TTYH3: variants seen among roughly 807,000 people sequenced by gnomAD.
TTYH3 encodes the protein protein tweety homolog 3.
A neutral mutation model predicts 68.2 loss-of-function variants in TTYH3; 23 were observed. The ratio of observed to expected loss-of-function variants is 0.34; its 90% CI spans 0.24 to 0.48. The LOEUF is 0.48. TTYH3 is among the 20% of genes least tolerant of loss of function. The pLI is 0.99. For missense variants in TTYH3, 768 were observed against 727.7 expected (o/e 1.06, Z -0.64); for synonymous variants, 360 against 332.8 (o/e 1.08, Z -0.89).
rs989085345 is a variant in TTYH3, at chr7:2,645,830, A to G, written c.124-1023A>G. On this transcript the variant is annotated intron_variant, in intron 1 of 13. Transcript: ENST00000258796. This position sits in a 1 kb window ranked among gnomAD's most constrained non-coding sequence, Gnocchi z 4.8. ...TCCCCCACAGGCTCCCAATTTCCCTACCAGACCTGAAAACCTCAGGACTAC... is the reference window on the plus strand; with the variant it reads ...TCCCCCACAGGCTCCCAATTTCCCTGCCAGACCTGAAAACCTCAGGACTAC... 12 of 470,192 alleles carry G rather than the reference A, an allele frequency of 2.6e-5. No homozygotes were observed. The highest frequency in any genetic ancestry group is 7.1e-5 in the Admixed American group (3 of 42,490). The allele number at this position is 470,192 out of a possible 1,614,324, so 29.1% of individuals were successfully genotyped here.
intron 1 of TTYH3, among the ~76,000 whole-genome samples, chr7:2,643,730 A>T (rs1455777368): frequency 2.0e-5 from 3 of 152,142 alleles, no homozygotes; most frequent in African/African-American, 7.2e-5. Context: ...TGAGGAAGTG[A>T]TCTGGACCTG....
intron 1 of TTYH3, among the ~76,000 whole-genome samples, chr7:2,640,386 A>G (rs1282954289): frequency 1.3e-5 from 2 of 148,316 alleles, no homozygotes; most frequent in Admixed American, 1.4e-4. Context: ...CATGTAGAGC[A>G]GCCGCCTGTG....
chr7:2,652,232 C>A lies in TTYH3; in HGVS notation c.917C>A (p.Pro306His). 1 of 1,612,658 alleles carries A rather than the reference C, an allele frequency of 6.2e-7. No homozygotes were observed. The highest frequency in any genetic ancestry group is 8.5e-7 in the Non-Finnish European group (1 of 1,180,014). The change falls in exon 8 of 14, where the codon CCC (proline) becomes CAC (histidine). Residue 306 changes from proline (P) to histidine (H), a missense_variant. Coordinates refer to ENST00000258796, the MANE Select transcript of TTYH3 (RefSeq NM_025250.3). Reference protein sequence around the residue: ...YLACSPRAANPFQQKLSGSHK... With the variant: ...YLACSPRAANHFQQKLSGSHK... ...GCCTGCTCGCCCCGCGCCGCCAACC[C>A]CTTCCAGCAGGTGAGAGCCTGGGAG...
chr7:2,655,145 T>C (rs1786297553), intron 9 of TTYH3, among the ~76,000 whole-genome samples: 1 of 151,828 alleles, frequency 6.6e-6, no homozygotes, highest in Non-Finnish European at 1.5e-5. Flanking sequence ...ATCCATTTCT[T>C]TTTTTTTGGT....
chr7:2,649,861 C>A, intron 6 of TTYH3, 52 bp from the exon 7 acceptor site: 1 of 1,602,358 alleles, frequency 6.2e-7, no homozygotes, highest in Non-Finnish European at 8.5e-7. Flanking sequence ...CCGAGAGCTT[C>A]CCTTTAGGCC....
intron 1 of TTYH3, among the ~76,000 whole-genome samples, chr7:2,636,070 G>A (rs542680281): frequency 6.6e-6 from 1 of 152,332 alleles, no homozygotes; most frequent in Admixed American, 6.5e-5. Flanking sequence ...CACTCAGAGG[G>A]GATCTGAGCT....
At chr7:2,638,492 A>G (rs544386758) in intron 1 of TTYH3, among the ~76,000 whole-genome samples, 35 of 152,204 alleles carry the variant, frequency 2.3e-4, no homozygotes, top group African/African-American at 8.2e-4. Context: ...GCCTCCTTCC[A>G]GGCCATTCCT....
In TTYH3 at chr7:2,646,947, G is replaced by T; in HGVS notation, c.218G>T (p.Arg73Leu). 1 of 1,599,550 alleles carries T rather than the reference G, an allele frequency of 6.3e-7. No homozygotes were observed. The highest frequency in any genetic ancestry group is 8.5e-7 in the Non-Finnish European group (1 of 1,178,086). ...TCCTTCTGGCTGTGCTGCCGGCGGC[G>T]CAAGAGCGAGGAGCACCTGGACGCC... ...FYSFWLCCRR[R>L]KSEEHLDADC... is the part of the protein sequence containing the mutation. Residue 73 changes from arginine to leucine, a missense_variant, in exon 2 of 14, where the codon CGC (arginine) becomes CTC (leucine). Arg to Leu is a moderately radical substitution (Grantham distance 102, BLOSUM62 -2). Coordinates refer to ENST00000258796, the MANE Select transcript of TTYH3 (RefSeq NM_025250.3).
rs761971282 is a variant in TTYH3 at position 2,656,210 on chromosome 7, C to A, written c.1113+26C>A. 4.5e-6 allele frequency: 7 copies of A among 1,555,896 alleles called. No individual in the cohort carries two copies. In the African/African-American group the frequency reaches 5.4e-5, roughly 12 times the overall value. ...GTGAGAGGCAGGGCCTGGGACAGGGCCATGGCAGCTTGTAGGGTGGGAACA... is the reference window on the plus strand; with the variant it reads ...GTGAGAGGCAGGGCCTGGGACAGGGACATGGCAGCTTGTAGGGTGGGAACA... On this transcript the variant is annotated intron_variant, in intron 10 of 13. Coordinates refer to ENST00000258796, the MANE Select transcript of TTYH3 (RefSeq NM_025250.3).
At chr7:2,652,094 C>T (rs1206771920) in intron 7 of TTYH3, 93 bp from the exon 8 acceptor site, 3 of 1,060,070 alleles carry the variant, frequency 2.8e-6, no homozygotes, top group Non-Finnish European at 2.9e-6. Context: ...CACGCAGATG[C>T]CCTGAAGATA....
Position 2,661,648 on chromosome 7 carries a change from TC to T in TTYH3, c.1501-15del, listed in dbSNP as rs368159200. ...GCCATGCAGGGGCCCTGCTGATGCC[TC>T]CCCCTTGTCTCCCTCCAGTACACCT... On this transcript the variant is annotated intron_variant, in intron 13 of 13. Coordinates refer to ENST00000258796, the MANE Select transcript of TTYH3 (RefSeq NM_025250.3). The T allele has an allele frequency of 2.9e-4, 470 of 1,609,554 alleles. 7 individuals carry two copies. The African/African-American group carries it at 4.9e-3, about 17-fold the overall frequency.
At chr7:2,639,716 G>T (rs1785782042) in intron 1 of TTYH3, among the ~76,000 whole-genome samples, 1 of 152,212 alleles carries the variant, frequency 6.6e-6, no homozygotes, top group Admixed American at 6.5e-5. Context: ...ACCATATTGT[G>T]TGTCTGTCAC....
rs1338161089 is a variant in TTYH3, at chr7:2,662,968, C to G, written c.*1229C>G. ...ACTGTCCTCGGGAATGAACCTCCCG[C>G]GGGCTTTGGACTGAGGTCCCTGTGG... On this transcript the variant is annotated 3_prime_UTR_variant, in exon 14 of 14. Coordinates refer to ENST00000258796, the MANE Select transcript of TTYH3 (RefSeq NM_025250.3). The G allele has an allele frequency of 6.6e-6, 1 of 152,288 alleles. No homozygotes were observed. Among genetic ancestry groups the G allele is most frequent in the Non-Finnish European group, 1.5e-5 (1 of 68,074 alleles). The allele number at this position is 152,288 out of a possible 1,614,324, so 9.4% of individuals were successfully genotyped here.
intron 5 of TTYH3, among the ~76,000 whole-genome samples, chr7:2,649,255 G>T (rs1166666994): frequency 6.6e-6 from 1 of 152,102 alleles, no homozygotes; most frequent in Non-Finnish European, 1.5e-5. Flanking sequence ...GGGGACCCAC[G>T]TGAAAGTGGA....
At chr7:2,652,101 G>C in intron 7 of TTYH3, 86 bp from the exon 8 acceptor site, 1 of 1,147,598 alleles carries the variant, frequency 8.7e-7, no homozygotes, top group South Asian at 1.2e-5. Flanking sequence ...ATGCCCTGAA[G>C]ATATGCGTGC....
rs545531185 is a variant in TTYH3, at chr7:2,647,490, G to C, written c.478G>C (p.Gly160Arg). Residue 160 changes from glycine (G) to arginine (R), a missense_variant, in exon 4 of 14, where the codon GGG becomes CGG. Gly to Arg is a moderately radical substitution (Grantham distance 125). Coordinates refer to ENST00000258796, the MANE Select transcript of TTYH3 (RefSeq NM_025250.3). Reference protein sequence around the residue: ...SLQTLERQLAGRPEPLRAVQR... With the variant: ...SLQTLERQLARRPEPLRAVQR... ...GCAGACCCTGGAGCGGCAGCTGGCCGGGCGGCCCGAGCCCCTGCGAGCCGT... is the reference window on the plus strand; with the variant it reads ...GCAGACCCTGGAGCGGCAGCTGGCCCGGCGGCCCGAGCCCCTGCGAGCCGT... The C allele has an allele frequency of 1.3e-5, 20 of 1,537,232 alleles. No homozygotes were observed. The highest frequency in any genetic ancestry group is 1.7e-5 in the Non-Finnish European group (19 of 1,144,706).
At chr7:2,639,062 G>C (rs1204416189) in intron 1 of TTYH3, among the ~76,000 whole-genome samples, 1 of 152,234 alleles carries the variant, frequency 6.6e-6, no homozygotes, top group East Asian at 1.9e-4. Flanking sequence ...AGAACCCCTC[G>C]GTCTGCACTG....
rs768874243 is a variant in TTYH3, at chr7:2,647,557, C to A, written c.545C>A (p.Thr182Lys). ...QGLLETLLGY[T>K]AAIPFWRNTA... ...CTGCTGGAGACGCTGCTGGGCTACA[C>A]GGCCGCCATCCCCTTTTGGAGGAAC... Residue 182 changes from threonine to lysine, a missense_variant, in exon 4 of 14, where the codon ACG becomes AAG. Coordinates refer to ENST00000258796, the MANE Select transcript of TTYH3 (RefSeq NM_025250.3). The A allele has an allele frequency of 9.6e-6, 15 of 1,559,966 alleles. No individual in the cohort carries two copies. The highest frequency in any genetic ancestry group is 2.4e-5 in the East Asian group (1 of 41,716).
intron 1 of TTYH3, among the ~76,000 whole-genome samples, chr7:2,640,428 C>T (rs1410585105): frequency 6.6e-6 from 1 of 152,032 alleles, no homozygotes; most frequent in Non-Finnish European, 1.5e-5. Context: ...GTTCCATAGG[C>T]CGGCCGTGAC....
Sources: allele counts gnomAD v4.1 joint callset (sites outside exome capture counted in the v4.1 genomes callset), GRCh38; gene constraint gnomAD v4.1.1; non-coding constraint Gnocchi (gnomAD v3.1); transcripts MANE v1.5; gene names NCBI Gene and HGNC (gene_info 2026-07-23, HGNC 2026-07-21).